EPHB1: variants seen among roughly 807,000 people sequenced by gnomAD.
EPHB1 encodes ephrin type-B receptor 1.
Under a neutral mutation model 94.4 loss-of-function variants are expected in EPHB1, and 30 were observed. The ratio of observed to expected loss-of-function variants is 0.32; its 90% CI spans 0.24 to 0.43. EPHB1 has a LOEUF of 0.43. EPHB1 is among the 20% of genes least tolerant of loss of function. EPHB1 has a pLI of 1.00. For missense variants in EPHB1, 1,055 were observed against 1,308.3 expected (o/e 0.81, Z 2.99); for synonymous variants, 522 against 489.1 (o/e 1.07, Z -0.89).
Position 135,133,020 on chromosome 3 carries a change from T to A in EPHB1, c.1268T>A (p.Val423Asp). 1.2e-6 allele frequency: 2 copies of A among 1,600,286 alleles called. No individual in the cohort carries two copies. Among genetic ancestry groups the A allele is most frequent in the Non-Finnish European group, 1.7e-6 (2 of 1,169,374 alleles). ...AAGAGTCCCTTCCCCCCACAGCACG[T>A]CTCTGTCAACATCACCACAAACCAA... is the stretch of plus-strand genomic sequence containing the variant. ...SSKSPFPPQH[V>D]SVNITTNQAA... The change falls in exon 5 of 16, where the codon GTC becomes GAC. Residue 423 changes from valine to aspartate, a missense_variant. Val to Asp is a radical substitution (Grantham distance 152). Transcript: ENST00000398015.
chr3:135,026,120 G>T (rs1576326048), intron 3 of EPHB1, among the ~76,000 whole-genome samples: 1 of 124,984 alleles, frequency 8.0e-6, no homozygotes, highest in East Asian at 2.9e-4. Flanking sequence ...TTAGCCCTTT[G>T]TCAGATGAGT....
chr3:135,028,217 T>A (rs1410512844), intron 3 of EPHB1, among the ~76,000 whole-genome samples: 129 of 148,120 alleles, frequency 8.7e-4, no homozygotes, highest in African/African-American at 3.2e-3. Flanking sequence ...TTTGTGTCTC[T>A]ATTTCCTTCA....
intron 1 of EPHB1, among the ~76,000 whole-genome samples, chr3:134,837,614 G>T (rs561718797): frequency 7.0e-4 from 106 of 152,318 alleles, no homozygotes; most frequent in South Asian, 1.2e-3. Context: ...ACCCTAGTAG[G>T]GAGAAGAAAG....
chr3:134,845,556 G>C (rs1560259508), intron 1 of EPHB1, among the ~76,000 whole-genome samples: 1 of 152,200 alleles, frequency 6.6e-6, no homozygotes, highest in African/African-American at 2.4e-5. Flanking sequence ...AGAGGGATCT[G>C]CTGTCCATGC....
At chr3:134,853,951 C>G (rs938170555) in intron 1 of EPHB1, among the ~76,000 whole-genome samples, 1 of 152,152 alleles carries the variant, frequency 6.6e-6, no homozygotes, top group Non-Finnish European at 1.5e-5. Flanking sequence ...CTCAAGCCTC[C>G]AAATCATCCT....
At chr3:134,850,299 C>T (rs903420796) in intron 1 of EPHB1, among the ~76,000 whole-genome samples, 1 of 152,234 alleles carries the variant, frequency 6.6e-6, no homozygotes, top group Admixed American at 6.5e-5. Flanking sequence ...CTGCCATTGT[C>T]ATATCTGTTC....
At chr3:134,917,045 AT>A (rs1560295598) in intron 1 of EPHB1, among the ~76,000 whole-genome samples, 1 of 152,188 alleles carries the variant, frequency 6.6e-6, no homozygotes, top group African/African-American at 2.4e-5. Flanking sequence ...TAAGTTCCAT[AT>A]TTTATTAGTG....
intron 3 of EPHB1, among the ~76,000 whole-genome samples, chr3:134,956,941 T>C (rs1455519299): frequency 1.3e-5 from 2 of 152,164 alleles, no homozygotes; most frequent in Non-Finnish European, 1.5e-5. Context: ...CACCAAGCAG[T>C]GACAAGTGAA....
chr3:135,048,997 C>G lies in EPHB1; in HGVS notation c.806-57451C>G, dbSNP rs139482256. On this transcript the variant is annotated intron_variant, in intron 3 of 15. Coordinates refer to ENST00000398015, the MANE Select transcript of EPHB1 (RefSeq NM_004441.5). Reference sequence around the variant, plus strand: ...CCTTACAGCCTCAGAAGTGGGCTATCTATTACCCTATAGAAGGTGCCTTTG... The same window carrying G: ...CCTTACAGCCTCAGAAGTGGGCTATGTATTACCCTATAGAAGGTGCCTTTG... 2.2e-3 allele frequency among the ~76,000 whole-genome samples: 335 copies of G among 152,298 alleles called. 1 individual carries two copies. Among genetic ancestry groups the G allele is most frequent in the Admixed American group, 4.3e-3 (66 of 15,302 alleles).
At chr3:135,056,083 C>G (rs946726078) in intron 3 of EPHB1, among the ~76,000 whole-genome samples, 1 of 152,236 alleles carries the variant, frequency 6.6e-6, no homozygotes, top group Non-Finnish European at 1.5e-5. Flanking sequence ...GAAAGACTGT[C>G]CATTTCTGAG....
At chr3:135,102,945 G>A (rs1248028070) in intron 3 of EPHB1, among the ~76,000 whole-genome samples, 3 of 152,060 alleles carry the variant, frequency 2.0e-5, no homozygotes, top group African/African-American at 7.2e-5. Context: ...ATGGACACAG[G>A]GAAGGGAACG....
intron 10 of EPHB1, among the ~76,000 whole-genome samples, chr3:135,183,718 G>T (rs1942253380): frequency 6.6e-6 from 1 of 152,202 alleles, no homozygotes; most frequent in African/African-American, 2.4e-5. Flanking sequence ...GGTTGTGAAG[G>T]CTTTGGATGG....
At chr3:135,120,205 A>C (rs933954447) in intron 4 of EPHB1, among the ~76,000 whole-genome samples, 3 of 152,188 alleles carry the variant, frequency 2.0e-5, no homozygotes, top group Non-Finnish European at 4.4e-5. Flanking sequence ...TACTTTGGGG[A>C]TGATTCTCTT....
intron 3 of EPHB1, among the ~76,000 whole-genome samples, chr3:135,027,112 G>A (rs1331594353): frequency 1.3e-5 from 2 of 148,554 alleles, no homozygotes; most frequent in Admixed American, 1.3e-4. Flanking sequence ...AGGAGATTTT[G>A]GGCTGAGACA....
chr3:135,039,753 G>A (rs541503551), intron 3 of EPHB1, among the ~76,000 whole-genome samples: 6 of 152,294 alleles, frequency 3.9e-5, no homozygotes, highest in South Asian at 4.1e-4. Flanking sequence ...ATGCCCACCC[G>A]GAACTCAAGC....
chr3:135,142,910 T>C (rs533429644), intron 5 of EPHB1, among the ~76,000 whole-genome samples: 1 of 152,184 alleles, frequency 6.6e-6, no homozygotes, highest in South Asian at 2.1e-4. Flanking sequence ...TCTAGCCAAA[T>C]GGCATTTTTG....
chr3:135,172,784 C>T (rs79222366), intron 9 of EPHB1, among the ~76,000 whole-genome samples: 5,286 of 152,252 alleles, frequency 0.035, 318 homozygotes, highest in African/African-American at 0.12. Context: ...GAGTTTACAG[C>T]GGGGGCTTAT....
At chr3:134,807,799 A>G (rs1275203406) in intron 1 of EPHB1, among the ~76,000 whole-genome samples, 1 of 152,138 alleles carries the variant, frequency 6.6e-6, no homozygotes, top group East Asian at 1.9e-4. Flanking sequence ...GGGACTGACA[A>G]TAGTGGGAAG....
chr3:134,940,772 G>C (rs781642480), intron 2 of EPHB1, among the ~76,000 whole-genome samples: 1 of 152,156 alleles, frequency 6.6e-6, no homozygotes, highest in Non-Finnish European at 1.5e-5. Flanking sequence ...TCATTTGTTT[G>C]TTTGTTCATG....
Sources: gnomAD v4.1 joint callset for allele counts (sites outside exome capture counted in the v4.1 genomes callset) on GRCh38, gnomAD v4.1.1 for gene constraint, MANE v1.5 for transcripts, NCBI Gene and HGNC (gene_info 2026-07-23, HGNC 2026-07-21) for gene names.